Variants in LRRC14 observed in about 807,000 individuals in gnomAD.
The protein encoded by LRRC14 is leucine-rich repeat-containing protein 14.
A neutral mutation model predicts 25.3 loss-of-function variants in LRRC14; 16 were observed. The ratio of observed to expected loss-of-function variants is 0.63; its 90% CI spans 0.43 to 0.96. The LOEUF (loss-of-function observed/expected upper bound fraction) is 0.96. Ranked by LOEUF, LRRC14 falls within the 40% of genes least tolerant of loss-of-function variation. The pLI is 0.00. For missense variants in LRRC14, 594 were observed against 660.5 expected (o/e 0.90, Z 1.10); for synonymous variants, 359 against 295.1 (o/e 1.22, Z -2.22).
At position 144,523,136 on chromosome 8, in the gene LRRC14, C is replaced by G; in HGVS notation, c.*1658C>G. 1 of 1,610,768 alleles carries G rather than the reference C, an allele frequency of 6.2e-7. No homozygotes were observed. Among genetic ancestry groups the G allele is most frequent in the Non-Finnish European group, 8.5e-7 (1 of 1,179,508 alleles). On this transcript the variant is annotated 3_prime_UTR_variant, in exon 4 of 4. Transcript: ENST00000292524. The stretch of plus-strand genomic sequence containing the variant: ...GCCCTCGCGAGGCTGGGGCACCTTT[C>G]TCCAGGTCACCAATGGCTGCGGGTA...
rs4925830 is a variant in LRRC14 at position 144,524,057 on chromosome 8, C to G, written c.*2579C>G. 19 of 1,571,674 alleles carry G rather than the reference C, an allele frequency of 1.2e-5. No homozygotes were observed. In the Admixed American group the frequency reaches 3.4e-4, roughly 28 times the overall value. On this transcript the variant is annotated 3_prime_UTR_variant, in exon 4 of 4. Coordinates refer to ENST00000292524, the MANE Select transcript of LRRC14 (RefSeq NM_014665.4). ...GAGCCCCTCCACACATGAGCCTGCT[C>G]CCTACTGCCAACACCGTGGCCCAGA... is the stretch of plus-strand genomic sequence containing the variant.
At chr8:144,520,120 G>C in intron 2 of LRRC14, 66 bp downstream of exon 2, 1 of 1,573,188 alleles carries the variant, frequency 6.4e-7, no homozygotes, top group South Asian at 1.1e-5. Context: ...GGAGGCTTGG[G>C]TCATAAAGTT....
At position 144,520,730 on chromosome 8, in the gene LRRC14, C is replaced by T. The variant is rs768390919; in HGVS notation, c.822C>T (p.Arg274=). Reference sequence around the variant, plus strand: ...CCGTGGATGGCGAGGACAACTTCCGCTACTTCCTTGCCCAGATGGGCCGCT... The same window carrying T: ...CCGTGGATGGCGAGGACAACTTCCGTTACTTCCTTGCCCAGATGGGCCGCT... ...QPSVDGEDNF[R]YFLAQMGRFT... is the part of the protein sequence containing the mutation. Residue 274 remains arginine (R), a synonymous_variant, in exon 3 of 4, where the codon CGC becomes CGT. Transcript: ENST00000292524. 2.1e-5 allele frequency: 34 copies of T among 1,598,954 alleles called. No individual in the cohort carries two copies. Among genetic ancestry groups the T allele is most frequent in the Non-Finnish European group, 2.4e-5 (28 of 1,179,956 alleles).
chr8:144,521,898 A>G lies in LRRC14; in HGVS notation c.*420A>G. 1 of 190,836 alleles carries G rather than the reference A, an allele frequency of 5.2e-6. No individual in the cohort carries two copies. Among genetic ancestry groups the G allele is most frequent in the Non-Finnish European group, 1.1e-5 (1 of 92,108 alleles). The allele number at this position is 190,836 out of a possible 1,614,324, so 11.8% of individuals were successfully genotyped here. A position where few individuals can be genotyped will look rare whatever the true frequency, so the allele number is the denominator to read the frequency against. On this transcript the variant is annotated 3_prime_UTR_variant, in exon 4 of 4. Transcript: ENST00000292524. Reference sequence around the variant, plus strand: ...TTGAAGTTGGACAGAGGCCTGCTTCAGGGAAGCTGGGAGTCCCCAGGCACT... The same window carrying G: ...TTGAAGTTGGACAGAGGCCTGCTTCGGGGAAGCTGGGAGTCCCCAGGCACT...
Position 144,524,116 on chromosome 8 carries a change from G to A in LRRC14, c.*2638G>A. 6.3e-7 allele frequency: 1 copy of A among 1,598,246 alleles called. No individual in the cohort carries two copies. The highest frequency in any genetic ancestry group is 8.6e-7 in the Non-Finnish European group (1 of 1,169,124). On this transcript the variant is annotated 3_prime_UTR_variant, in exon 4 of 4. Transcript: ENST00000292524. ...CTTTCCGAGGAAGAGGTACCTGTGA[G>A]GCGCAGGACTTGCAGACTGGCCAGG... is the stretch of plus-strand genomic sequence containing the variant.
At position 144,524,742 on chromosome 8, in the gene LRRC14, G is replaced by T. The variant is rs568179250; in HGVS notation, c.*3264G>T. 1,876 of 1,439,690 alleles carry T rather than the reference G, an allele frequency of 1.3e-3. 15 individuals are homozygous for T. The highest frequency in any genetic ancestry group is 9.6e-3 in the Middle Eastern group (48 of 4,994). The allele number at this position is 1,439,690 out of a possible 1,614,324, so 89.2% of individuals were successfully genotyped here. ...TGTCTGCAGGCCGGGGAAAGAGGAGGCGCTTACCCCGTTGCGGGGGTCTTC... is the reference window on the plus strand; with the variant it reads ...TGTCTGCAGGCCGGGGAAAGAGGAGTCGCTTACCCCGTTGCGGGGGTCTTC... On this transcript the variant is annotated 3_prime_UTR_variant, in exon 4 of 4. Transcript: ENST00000292524.
rs1004209036 is a variant in LRRC14, at chr8:144,524,897, G to A, written c.*3419G>A. 5.9e-6 allele frequency: 9 copies of A among 1,515,062 alleles called. No individual in the cohort carries two copies. The highest frequency in any genetic ancestry group is 5.5e-5 in the African/African-American group (4 of 72,086). The allele number at this position is 1,515,062 out of a possible 1,614,324, so 93.9% of individuals were successfully genotyped here. A position where few individuals can be genotyped will look rare whatever the true frequency, so the allele number is the denominator to read the frequency against. On this transcript the variant is annotated 3_prime_UTR_variant, in exon 4 of 4. Transcript: ENST00000292524. ...CCACCGTGGCGCTGTAGCAGCGGCAGGCTGCTGGGCAGCCGGCGGCGCGGA... is the reference window on the plus strand; with the variant it reads ...CCACCGTGGCGCTGTAGCAGCGGCAAGCTGCTGGGCAGCCGGCGGCGCGGA...
chr8:144,521,515 G>A lies in LRRC14; in HGVS notation c.*37G>A. The A allele has an allele frequency of 1.3e-6, 2 of 1,555,010 alleles. No homozygotes were observed. Among genetic ancestry groups the A allele is most frequent in the Non-Finnish European group, 1.7e-6 (2 of 1,152,144 alleles). On this transcript the variant is annotated 3_prime_UTR_variant, in exon 4 of 4. Coordinates refer to ENST00000292524, the MANE Select transcript of LRRC14 (RefSeq NM_014665.4). ...TGGGTGAGACACAGGCCGCCCTGCAGTCTCTTTAGGTAGGCAGGGCCTTTG... is the reference window on the plus strand; with the variant it reads ...TGGGTGAGACACAGGCCGCCCTGCAATCTCTTTAGGTAGGCAGGGCCTTTG...
rs1216584369 is a variant in LRRC14, at chr8:144,520,058, T to C, written c.329+4T>C. The C allele has an allele frequency of 6.3e-7, 1 of 1,597,968 alleles. No homozygotes were observed. The highest frequency in any genetic ancestry group is 1.3e-5 in the African/African-American group (1 of 74,716). ...CCAGCACACAGCCCCTCTGCAGGTA[T>C]GGACTTATCTGGAGGGTCGTCAGGC... On this transcript the variant is annotated splice_donor_region_variant and intron_variant, in intron 2 of 3. Transcript: ENST00000292524.
rs1816092222 is a variant in LRRC14, at chr8:144,521,923, T to TAGCGGGGA, written c.*445_*446insAGCGGGGA. The TAGCGGGGA allele has an allele frequency of 5.3e-6, 1 of 189,532 alleles. No homozygotes were observed. The highest frequency in any genetic ancestry group is 5.4e-5 in the Admixed American group (1 of 18,526). The allele number at this position is 189,532 out of a possible 1,614,324, so 11.7% of individuals were successfully genotyped here. On this transcript the variant is annotated 3_prime_UTR_variant, in exon 4 of 4. Transcript: ENST00000292524. ...AGGGAAGCTGGGAGTCCCCAGGCAC[T>TAGCGGGGA]CACGCCTCTTACGTGTTCCCTACCC... is the stretch of plus-strand genomic sequence containing the variant.
chr8:144,524,762 G>T lies in LRRC14; in HGVS notation c.*3284G>T, dbSNP rs1049631981. The T allele has an allele frequency of 4.8e-5, 69 of 1,434,276 alleles. No individual in the cohort carries two copies. The highest frequency in any genetic ancestry group is 6.1e-5 in the Non-Finnish European group (67 of 1,099,558). 88.8% of individuals were successfully genotyped at this position (1,434,276 alleles called of 1,614,324 possible). A position where few individuals can be genotyped will look rare whatever the true frequency, so the allele number is the denominator to read the frequency against. On this transcript the variant is annotated 3_prime_UTR_variant, in exon 4 of 4. Coordinates refer to ENST00000292524, the MANE Select transcript of LRRC14 (RefSeq NM_014665.4). ...AGGAGGCGCTTACCCCGTTGCGGGGGTCTTCCTCTCCCTGGGGGCACCCCG... is the reference window on the plus strand; with the variant it reads ...AGGAGGCGCTTACCCCGTTGCGGGGTTCTTCCTCTCCCTGGGGGCACCCCG...
chr8:144,525,025 C>G lies in LRRC14; in HGVS notation c.*3547C>G, dbSNP rs1038063844. 2.2e-6 allele frequency: 3 copies of G among 1,381,574 alleles called. No homozygotes were observed. Among genetic ancestry groups the G allele is most frequent in the East Asian group, 2.8e-5 (1 of 35,104 alleles). The allele number at this position is 1,381,574 out of a possible 1,614,324, so 85.6% of individuals were successfully genotyped here. ...CCCTTCCGCGGTTCAGCCGCAGACG[C>G]GTGCCCTCCTGAAACACAGGTTGGC... is the stretch of plus-strand genomic sequence containing the variant. On this transcript the variant is annotated 3_prime_UTR_variant, in exon 4 of 4. Coordinates refer to ENST00000292524, the MANE Select transcript of LRRC14 (RefSeq NM_014665.4).
At position 144,521,786 on chromosome 8, in the gene LRRC14, CT is replaced by C; in HGVS notation, c.*311del. The C allele has an allele frequency of 2.7e-6, 1 of 374,074 alleles. No homozygotes were observed. The allele number at this position is 374,074 out of a possible 1,614,324, so 23.2% of individuals were successfully genotyped here. On this transcript the variant is annotated 3_prime_UTR_variant, in exon 4 of 4. Coordinates refer to ENST00000292524, the MANE Select transcript of LRRC14 (RefSeq NM_014665.4). ...GGGGTCCTGGTCCTTTGTGCAAATG[CT>C]TTGGGATTCCAGTTGTGAGCTGAGA...
rs1815966142 is a variant in LRRC14, at chr8:144,520,721, C to G, written c.813C>G (p.Asp271Glu). 1 of 1,599,290 alleles carries G rather than the reference C, an allele frequency of 6.3e-7. No homozygotes were observed. Among genetic ancestry groups the G allele is most frequent in the Non-Finnish European group, 8.5e-7 (1 of 1,179,950 alleles). The part of the protein sequence containing the change: ...DSRQPSVDGE[D>E]NFRYFLAQMG... Reference sequence around the variant, plus strand: ...GGCAGCCCTCCGTGGATGGCGAGGACAACTTCCGCTACTTCCTTGCCCAGA... The same window carrying G: ...GGCAGCCCTCCGTGGATGGCGAGGAGAACTTCCGCTACTTCCTTGCCCAGA... Residue 271 changes from aspartate to glutamate, a missense_variant, in exon 3 of 4, where the codon GAC (aspartate) becomes GAG (glutamate). By Grantham distance (45) the Asp-to-Glu change is conservative (BLOSUM62 2). Transcript: ENST00000292524.
chr8:144,522,444 C>A lies in LRRC14; in HGVS notation c.*966C>A. 1 of 1,391,160 alleles carries A rather than the reference C, an allele frequency of 7.2e-7. No homozygotes were observed. The highest frequency in any genetic ancestry group is 9.2e-7 in the Non-Finnish European group (1 of 1,081,440). The allele number at this position is 1,391,160 out of a possible 1,614,324, so 86.2% of individuals were successfully genotyped here. On this transcript the variant is annotated 3_prime_UTR_variant, in exon 4 of 4. Transcript: ENST00000292524. ...GCGCGAGGCCGCACCGGCCAATCTCCGGCGCCCACGTCATCCGCGCGCCCG... is the reference window on the plus strand; with the variant it reads ...GCGCGAGGCCGCACCGGCCAATCTCAGGCGCCCACGTCATCCGCGCGCCCG...
chr8:144,524,336 CTCT>C lies in LRRC14; in HGVS notation c.*2863_*2865del. On this transcript the variant is annotated 3_prime_UTR_variant, in exon 4 of 4. Coordinates refer to ENST00000292524, the MANE Select transcript of LRRC14 (RefSeq NM_014665.4). Reference sequence around the variant, plus strand: ...GGGCGCCGAGGTTGGGGGCATGTCTCTCTTCTTACCAAGCTAGACTGGGTTGCC... The same window carrying C: ...GGGCGCCGAGGTTGGGGGCATGTCTCTCTTACCAAGCTAGACTGGGTTGCC... 1.3e-6 allele frequency: 2 copies of C among 1,599,658 alleles called. No individual in the cohort carries two copies. The highest frequency in any genetic ancestry group is 1.7e-6 in the Non-Finnish European group (2 of 1,178,728).
In LRRC14 at chr8:144,524,471, C is replaced by T; in HGVS notation, c.*2993C>T. 6.3e-7 allele frequency: 1 copy of T among 1,597,870 alleles called. No homozygotes were observed. The highest frequency in any genetic ancestry group is 8.5e-7 in the Non-Finnish European group (1 of 1,179,804). The stretch of plus-strand genomic sequence containing the variant: ...GGTGCAAGAAGGTGAAATCCAGCAG[C>T]CGCGCCAGCTGGTTGCCCGCCAGGT... On this transcript the variant is annotated 3_prime_UTR_variant, in exon 4 of 4. Coordinates refer to ENST00000292524, the MANE Select transcript of LRRC14 (RefSeq NM_014665.4).
At position 144,521,861 on chromosome 8, in the gene LRRC14, G is replaced by A. The variant is rs1171454579; in HGVS notation, c.*383G>A. The A allele has an allele frequency of 4.6e-6, 1 of 219,480 alleles. No homozygotes were observed. Among genetic ancestry groups the A allele is most frequent in the Non-Finnish European group, 9.1e-6 (1 of 109,826 alleles). The allele number at this position is 219,480 out of a possible 1,614,324, so 13.6% of individuals were successfully genotyped here. On this transcript the variant is annotated 3_prime_UTR_variant, in exon 4 of 4. Transcript: ENST00000292524. ...TTCCTCTCCCTTTACTGAGAGCTCA[G>A]TGCTTCTGGGGTTGAAGTTGGACAG...
Position 144,520,403 on chromosome 8 carries a change from G to A in LRRC14, c.495G>A (p.Val165=). The change falls in exon 3 of 4, where the codon GTG becomes GTA. Residue 165 remains valine, a synonymous_variant. Coordinates refer to ENST00000292524, the MANE Select transcript of LRRC14 (RefSeq NM_014665.4). ...AAEPGPAPIP[V]EVRVDLRVNR... The stretch of plus-strand genomic sequence containing the variant: ...AGCCTGGGCCAGCCCCCATCCCCGT[G>A]GAGGTGCGCGTGGACCTGCGGGTGA... 6.2e-7 allele frequency: 1 copy of A among 1,606,202 alleles called. No homozygotes were observed. Among genetic ancestry groups the A allele is most frequent in the Non-Finnish European group, 8.5e-7 (1 of 1,177,542 alleles).
Sources: allele counts gnomAD v4.1 joint callset, GRCh38; gene constraint gnomAD v4.1.1; transcripts MANE v1.5; gene names NCBI Gene and HGNC (gene_info 2026-07-23, HGNC 2026-07-21).